NSMCE2: variants seen among roughly 807,000 people sequenced by gnomAD.
NSMCE2 encodes the protein E3 SUMO-protein ligase NSE2.
Under a neutral mutation model 23.8 loss-of-function variants are expected in NSMCE2, and 24 were observed. The ratio of observed to expected loss-of-function variants is 1.01; its 90% CI spans 0.73 to 1.42. The LOEUF (loss-of-function observed/expected upper bound fraction) is 1.42, where lower values mean the gene tolerates loss of function less well. Among genes scored for constraint, NSMCE2 ranks in the 40% most tolerant of loss-of-function variants. The pLI, the probability that NSMCE2 is intolerant of heterozygous loss-of-function variation, is 0.00. For synonymous variants in NSMCE2, 92 were observed against 94.1 expected (o/e 0.98, Z 0.13); for missense variants, 284 against 296.5 (o/e 0.96, Z 0.31).
chr8:125,311,415 G>A (rs188293641), intron 5 of NSMCE2, among the ~76,000 whole-genome samples: 206 of 152,180 alleles, frequency 1.4e-3, no homozygotes, highest in African/African-American at 4.7e-3. Context: ...TTTTTACCTT[G>A]GACTTTCAAA....
At chr8:125,173,871 C>T (rs1271705893) in intron 4 of NSMCE2, among the ~76,000 whole-genome samples, 2 of 152,130 alleles carry the variant, frequency 1.3e-5, no homozygotes, top group African/African-American at 4.8e-5. Context: ...CTCACTATGA[C>T]CTTGGGCAAG....
chr8:125,174,348 G>A (rs1434742523), intron 4 of NSMCE2, among the ~76,000 whole-genome samples: 1 of 152,112 alleles, frequency 6.6e-6, no homozygotes, highest in Non-Finnish European at 1.5e-5. Flanking sequence ...AATAAATAAT[G>A]CATGTTTCTG....
rs112276872 is a variant in NSMCE2, at chr8:125,290,238, A to G, written c.419-66981A>G. Among the ~76,000 whole-genome samples the G allele has an allele frequency of 2.3e-3, 352 of 152,338 alleles. 1 individual carries two copies. The highest frequency in any genetic ancestry group is 7.4e-3 in the African/African-American group (306 of 41,582). The stretch of plus-strand genomic sequence containing the variant: ...AGATTAAGTAGAATATGTTAAAATC[A>G]TATTAAGTAGAAATGTCTTAGTCAA... On this transcript the variant is annotated intron_variant, in intron 5 of 7. Transcript: ENST00000287437.
rs868414710 is a variant in NSMCE2, at chr8:125,092,382, T to C, written c.-111+424T>C. 9.8e-5 allele frequency among the ~76,000 whole-genome samples: 15 copies of C among 152,352 alleles called. No homozygotes were observed. The South Asian group carries it at 1.2e-3, about 13-fold the overall frequency. On this transcript the variant is annotated intron_variant, in intron 1 of 7. Transcript: ENST00000287437. ...ATGATGATGTCTGTTGTTATTTTTG[T>C]AACTGGCCAAATCTTTATTGGTCCC...
At chr8:125,296,645 C>T (rs563775064) in intron 5 of NSMCE2, among the ~76,000 whole-genome samples, 33 of 152,260 alleles carry the variant, frequency 2.2e-4, no homozygotes, top group African/African-American at 7.7e-4. Context: ...ATCCACCCAC[C>T]TTGGCCTCCC....
chr8:125,114,522 G>A (rs1265585034), intron 3 of NSMCE2, among the ~76,000 whole-genome samples: 3 of 152,052 alleles, frequency 2.0e-5, no homozygotes, highest in African/African-American at 4.8e-5. Context: ...ACATACATAC[G>A]TACATATGTA....
chr8:125,219,694 C>T (rs1467182596), intron 5 of NSMCE2, among the ~76,000 whole-genome samples: 1 of 152,156 alleles, frequency 6.6e-6, no homozygotes, highest in Non-Finnish European at 1.5e-5. Context: ...TCTCAGAATT[C>T]TCCCGTGGTT....
chr8:125,347,453 TC>T (rs1453562582), intron 5 of NSMCE2, among the ~76,000 whole-genome samples: 1 of 152,216 alleles, frequency 6.6e-6, no homozygotes, highest in African/African-American at 2.4e-5. Context: ...ATTTCACTGA[TC>T]ACACAGGATA....
intron 5 of NSMCE2, among the ~76,000 whole-genome samples, chr8:125,247,401 T>C (rs1826029242): frequency 6.6e-6 from 1 of 152,000 alleles, no homozygotes; most frequent in Admixed American, 6.5e-5. Context: ...ATAGCAAATA[T>C]TAATAAAATC....
chr8:125,195,179 C>T (rs553308939), intron 5 of NSMCE2, among the ~76,000 whole-genome samples: 8 of 152,188 alleles, frequency 5.3e-5, no homozygotes, highest in African/African-American at 1.9e-4. Flanking sequence ...GCTCACCCAT[C>T]CCTAGGCGTC....
intron 5 of NSMCE2, among the ~76,000 whole-genome samples, chr8:125,202,113 A>T (rs1298627423): frequency 2.0e-5 from 3 of 152,226 alleles, no homozygotes; most frequent in Admixed American, 2.0e-4. Flanking sequence ...TTCCAGGTAC[A>T]GTCTGTCACG....
chr8:125,260,734 C>A (rs1563749615), intron 5 of NSMCE2, among the ~76,000 whole-genome samples: 1 of 151,906 alleles, frequency 6.6e-6, no homozygotes, highest in East Asian at 1.9e-4. Flanking sequence ...AAGTGATTCT[C>A]ATGCCTTAGC....
chr8:125,093,470 C>CGT (rs1817775099), intron 1 of NSMCE2, among the ~76,000 whole-genome samples: 4 of 152,276 alleles, frequency 2.6e-5, no homozygotes, highest in African/African-American at 9.6e-5. Flanking sequence ...GGGCGGATCA[C>CGT]TTGAGGTCGG....
intron 5 of NSMCE2, among the ~76,000 whole-genome samples, chr8:125,212,667 G>A (rs1369020912): frequency 6.6e-6 from 1 of 151,990 alleles, no homozygotes; most frequent in Admixed American, 6.6e-5. Flanking sequence ...AGACATGGTG[G>A]GCCAGAAAGC....
chr8:125,260,894 G>A (rs1278502081), intron 5 of NSMCE2, among the ~76,000 whole-genome samples: 3 of 151,922 alleles, frequency 2.0e-5, no homozygotes, highest in African/African-American at 7.3e-5. Context: ...AAAGTGCTAG[G>A]ATTACAGGCA....
chr8:125,360,451 C>T (rs1813486691), intron 7 of NSMCE2, among the ~76,000 whole-genome samples: 2 of 152,224 alleles, frequency 1.3e-5, no homozygotes, highest in Admixed American at 1.3e-4. Context: ...AGCCCGACTT[C>T]GTTCTGCTCA....
intron 5 of NSMCE2, among the ~76,000 whole-genome samples, chr8:125,339,757 G>A (rs1244064823): frequency 1.3e-5 from 2 of 151,982 alleles, no homozygotes; most frequent in East Asian, 3.9e-4. Flanking sequence ...GAAGTCCTTG[G>A]TGAGTTCCCG....
rs1241216577 is a variant in NSMCE2 at position 125,238,233 on chromosome 8, G to C, written c.418+55977G>C. Among the ~76,000 whole-genome samples the C allele has an allele frequency of 2.6e-5, 4 of 152,116 alleles. No individual in the cohort carries two copies. In the East Asian group the frequency reaches 7.7e-4, roughly 29 times the overall value. ...TAAGGATAAGGATGCAAGTAGAGCA[G>C]GCAGGGAACGAGGTTATAGAAACTT... On this transcript the variant is annotated intron_variant, in intron 5 of 7. Transcript: ENST00000287437.
At chr8:125,186,870 C>T (rs1823132071) in intron 5 of NSMCE2, among the ~76,000 whole-genome samples, 1 of 152,124 alleles carries the variant, frequency 6.6e-6, no homozygotes, top group African/African-American at 2.4e-5. Flanking sequence ...TACTGTTACT[C>T]TAAAGATAAT....
Sources: allele counts gnomAD v4.1 joint callset (sites outside exome capture counted in the v4.1 genomes callset), GRCh38; gene constraint gnomAD v4.1.1; transcripts MANE v1.5; gene names NCBI Gene and HGNC (gene_info 2026-07-23, HGNC 2026-07-21).